UBE2H: variants seen among roughly 807,000 people sequenced by gnomAD.
UBE2H encodes the protein ubiquitin conjugating enzyme E2 H.
UBE2H carries 3 observed loss-of-function variants against 29.0 expected under a neutral mutation model. The ratio of observed to expected loss-of-function variants is 0.10; its 90% confidence interval spans 0.05 to 0.27. The LOEUF is 0.27. Ranked by LOEUF, UBE2H falls within the 10% of genes least tolerant of loss-of-function variation. The probability of loss-of-function intolerance (pLI) is 1.00; values close to 1 mark genes in which losing one functional copy is unlikely to be tolerated. For synonymous variants in UBE2H, 69 were observed against 82.9 expected (o/e 0.83, Z 0.91); for missense variants, 68 against 228.2 (o/e 0.30, Z 4.52).
intron 3 of UBE2H, among the ~76,000 whole-genome samples, chr7:129,878,287 G>A (rs572125565): frequency 6.6e-6 from 1 of 152,276 alleles, no homozygotes; most frequent in Non-Finnish European, 1.5e-5. Context: ...CTGAAACTTA[G>A]AGGCCCCTAT....
At chr7:129,938,391 C>CAG (rs1255301447) in intron 1 of UBE2H, among the ~76,000 whole-genome samples, 33 of 107,610 alleles carry the variant, frequency 3.1e-4, no homozygotes, top group African/African-American at 1.1e-3. Context: ...GCGTGGGCAA[C>CAG]AGAGAGAGAG....
intron 2 of UBE2H, among the ~76,000 whole-genome samples, 178 bp downstream of exon 2, chr7:129,880,717 T>C (rs753011080): frequency 6.6e-6 from 1 of 152,172 alleles, no homozygotes; most frequent in Non-Finnish European, 1.5e-5. Context: ...CCTACAGATA[T>C]CAAGGGATGA....
Position 129,879,021 on chromosome 7 carries a change from G to A in UBE2H, c.205+547C>T, listed in dbSNP as rs1806203149. On this transcript the variant is annotated intron_variant, in intron 3 of 6. Coordinates refer to ENST00000355621, the MANE Select transcript of UBE2H (RefSeq NM_003344.4). The stretch of plus-strand genomic sequence containing the variant: ...CATTAAGGTAAAAGGAGATGAAGGT[G>A]AGGAGAAAGTACCTCTTTGTACAAC... Among the ~76,000 whole-genome samples the A allele has an allele frequency of 2.0e-5, 3 of 152,186 alleles. No individual in the cohort carries two copies. The South Asian group carries it at 6.2e-4, about 31-fold the overall frequency.
chr7:129,840,512 A>G (rs187433315), intron 5 of UBE2H, among the ~76,000 whole-genome samples: 1 of 152,294 alleles, frequency 6.6e-6, no homozygotes, highest in East Asian at 1.9e-4. Flanking sequence ...CACAGATGAT[A>G]TCTACACACA....
chr7:129,847,299 CAA>C (rs1330516005), intron 5 of UBE2H, among the ~76,000 whole-genome samples: 1 of 152,174 alleles, frequency 6.6e-6, no homozygotes, highest in Non-Finnish European at 1.5e-5. Flanking sequence ...CTCAGACTCC[CAA>C]AGTGCTGGGA....
chr7:129,944,656 C>G (rs1807718091), intron 1 of UBE2H, among the ~76,000 whole-genome samples: 1 of 151,894 alleles, frequency 6.6e-6, no homozygotes, highest in Non-Finnish European at 1.5e-5. Context: ...ACCATGAACT[C>G]TCATCTGGGC....
chr7:129,946,334 C>T (rs962693875), intron 1 of UBE2H, among the ~76,000 whole-genome samples: 5 of 152,084 alleles, frequency 3.3e-5, no homozygotes, highest in Non-Finnish European at 7.4e-5. Flanking sequence ...GTTGGGATTA[C>T]AGGCGTGAGC....
chr7:129,900,326 G>T (rs1019552259), intron 1 of UBE2H, among the ~76,000 whole-genome samples: 2 of 150,982 alleles, frequency 1.3e-5, no homozygotes, highest in African/African-American at 4.8e-5. Flanking sequence ...CAACATTAAT[G>T]TAACACATAT....
chr7:129,878,193 A>G (rs1238145920), intron 3 of UBE2H, among the ~76,000 whole-genome samples: 1 of 152,174 alleles, frequency 6.6e-6, no homozygotes, highest in Non-Finnish European at 1.5e-5. Flanking sequence ...CTACACCTAT[A>G]CAGGTGCTAA....
intron 1 of UBE2H, among the ~76,000 whole-genome samples, chr7:129,911,883 T>A (rs1054324002): frequency 6.6e-5 from 10 of 152,090 alleles, no homozygotes; most frequent in African/African-American, 2.4e-4. Flanking sequence ...CCTCAAGCAG[T>A]CCTTCTGCCT....
At chr7:129,934,638 T>C (rs1439283805) in intron 1 of UBE2H, among the ~76,000 whole-genome samples, 1 of 65,848 alleles carries the variant, frequency 1.5e-5, no homozygotes, top group Non-Finnish European at 2.9e-5. Context: ...ACTCCGTCTT[T>C]AAAAAAAAAA....
At chr7:129,874,429 C>A (rs1170957880) in intron 3 of UBE2H, among the ~76,000 whole-genome samples, 1 of 151,828 alleles carries the variant, frequency 6.6e-6, no homozygotes, top group African/African-American at 2.4e-5. Flanking sequence ...CCTGCCTCAG[C>A]CTCCTGAGTA....
At chr7:129,852,819 G>A (rs575671527) in intron 5 of UBE2H, among the ~76,000 whole-genome samples, 3 of 152,052 alleles carry the variant, frequency 2.0e-5, no homozygotes, top group East Asian at 3.9e-4. Context: ...TCCGCCTCCC[G>A]GGTTCAAGCA....
chr7:129,858,750 T>C, intron 4 of UBE2H, 152 bp downstream of exon 4: 2 of 687,682 alleles, frequency 2.9e-6, no homozygotes, highest in South Asian at 3.6e-5. Context: ...GAGAACCTCA[T>C]ATCCTTTGGA....
chr7:129,873,124 T>C (rs146626643), intron 3 of UBE2H, among the ~76,000 whole-genome samples: 111 of 150,554 alleles, frequency 7.4e-4, no homozygotes, highest in African/African-American at 2.4e-3. Flanking sequence ...GTTCACGCCA[T>C]TCTCCTGCCT....
At chr7:129,851,207 A>C (rs957075787) in intron 5 of UBE2H, among the ~76,000 whole-genome samples, 1 of 152,198 alleles carries the variant, frequency 6.6e-6, no homozygotes, top group Non-Finnish European at 1.5e-5. Context: ...TTCATCAAAA[A>C]CACTGCTCTT....
intron 1 of UBE2H, among the ~76,000 whole-genome samples, chr7:129,900,673 GGTTA>G (rs1173005468): frequency 1.3e-5 from 2 of 151,792 alleles, no homozygotes; most frequent in Admixed American, 6.6e-5. Flanking sequence ...ACATTGTGCA[GGTTA>G]GTTACATACG....
At position 129,830,923 on chromosome 7, in the gene UBE2H, T is replaced by C. The variant is rs975997009; in HGVS notation, c.*4014A>G. 2 of 150,606 alleles carry C rather than the reference T, an allele frequency of 1.3e-5. No homozygotes were observed. The highest frequency in any genetic ancestry group is 3.0e-5 in the Non-Finnish European group (2 of 67,778). 9.3% of individuals were successfully genotyped at this position (150,606 alleles called of 1,614,324 possible). On this transcript the variant is annotated 3_prime_UTR_variant, in exon 7 of 7. Transcript: ENST00000355621. The stretch of plus-strand genomic sequence containing the variant: ...AATAAGCGATAAAAAGCTTCAGATT[T>C]CAGTTAGGGGCTGGCAGTCCCTTTT...
At chr7:129,866,592 T>TA (rs1356137500) in intron 3 of UBE2H, among the ~76,000 whole-genome samples, 10 of 152,282 alleles carry the variant, frequency 6.6e-5, no homozygotes, top group South Asian at 4.1e-4. Context: ...CTACCACTCT[T>TA]AGAGTTGTAG....
Sources: gnomAD v4.1 joint callset for allele counts (sites outside exome capture counted in the v4.1 genomes callset) on GRCh38, gnomAD v4.1.1 for gene constraint, MANE v1.5 for transcripts, NCBI Gene and HGNC (gene_info 2026-07-23, HGNC 2026-07-21) for gene names.